SMOC2: variants seen among roughly 807,000 people sequenced by gnomAD.
SMOC2 encodes SPARC related modular calcium binding 2, also known as SPARC-related modular calcium-binding protein 2.
In SMOC2, 39 loss-of-function variants were observed where a neutral mutation model predicts 61.4. The observed-to-expected ratio is 0.64, with a 90% confidence interval of 0.49 to 0.83. SMOC2 has a LOEUF of 0.83. Among genes scored for constraint, SMOC2 ranks in the 40% least tolerant of loss-of-function variants. The pLI is 0.00. For synonymous variants in SMOC2, 247 were observed against 239.9 expected (o/e 1.03, Z -0.27); for missense variants, 556 against 592.9 (o/e 0.94, Z 0.65).
At chr6:168,506,896 A>C (rs920852611) in intron 1 of SMOC2, among the ~76,000 whole-genome samples, 1 of 152,226 alleles carries the variant, frequency 6.6e-6, no homozygotes, top group Non-Finnish European at 1.5e-5. Context: ...TTTTTCTTGA[A>C]TGGGCTGTTT....
At chr6:168,615,357 A>C (rs1786047643) in intron 9 of SMOC2, among the ~76,000 whole-genome samples, 1 of 69,356 alleles carries the variant, frequency 1.4e-5, no homozygotes, top group Admixed American at 1.4e-4. Context: ...CTTCACACCT[A>C]CAGCCAGCAC....
intron 2 of SMOC2, among the ~76,000 whole-genome samples, chr6:168,518,578 C>T (rs1050728940): frequency 2.0e-4 from 28 of 140,676 alleles, no homozygotes; most frequent in African/African-American, 7.0e-4. Context: ...TGTGACAATG[C>T]ATGTATGTGT....
chr6:168,477,071 G>T (rs1184887714), intron 1 of SMOC2, among the ~76,000 whole-genome samples: 1 of 152,196 alleles, frequency 6.6e-6, no homozygotes, highest in Non-Finnish European at 1.5e-5. Flanking sequence ...ATTAAGGTTG[G>T]TTAACTTTAA....
Position 168,534,750 on chromosome 6 carries a change from C to T in SMOC2, c.463+7023C>T, listed in dbSNP as rs538832575. On this transcript the variant is annotated intron_variant, in intron 4 of 12. Coordinates refer to ENST00000356284, the MANE Select transcript of SMOC2 (RefSeq NM_001166412.2). Reference sequence around the variant, plus strand: ...ATACTTTAGTGTACATTTAATTTGGCGGCTAATTTGTACTGGAGCCTCACA... The same window carrying T: ...ATACTTTAGTGTACATTTAATTTGGTGGCTAATTTGTACTGGAGCCTCACA... Among the ~76,000 whole-genome samples, 42 of 152,192 alleles carry T rather than the reference C, an allele frequency of 2.8e-4. No homozygotes were observed. The South Asian group carries it at 6.4e-3, about 23-fold the overall frequency.
intron 7 of SMOC2, among the ~76,000 whole-genome samples, chr6:168,576,571 G>T (rs951322292): frequency 6.6e-6 from 1 of 152,052 alleles, no homozygotes; most frequent in Admixed American, 6.5e-5. Flanking sequence ...GAGAATGGCT[G>T]GTCTAACAGC....
At chr6:168,633,070 A>G (rs1404545052) in intron 9 of SMOC2, among the ~76,000 whole-genome samples, 1 of 152,110 alleles carries the variant, frequency 6.6e-6, no homozygotes, top group Non-Finnish European at 1.5e-5. Flanking sequence ...AACCAGGTAA[A>G]CCCAATCTGC....
intron 1 of SMOC2, among the ~76,000 whole-genome samples, chr6:168,502,605 C>A (rs1393598776): frequency 6.6e-6 from 1 of 152,166 alleles, no homozygotes; most frequent in Non-Finnish European, 1.5e-5. Context: ...GCCGATGGGA[C>A]CTACATTATC....
At chr6:168,643,535 T>C (rs1786945489) in intron 9 of SMOC2, among the ~76,000 whole-genome samples, 1 of 152,134 alleles carries the variant, frequency 6.6e-6, no homozygotes, top group African/African-American at 2.4e-5. Context: ...TCCACACCAC[T>C]GCACCTCTGC....
chr6:168,454,614 T>G (rs1781541204), intron 1 of SMOC2, among the ~76,000 whole-genome samples: 1 of 152,082 alleles, frequency 6.6e-6, no homozygotes, highest in South Asian at 2.1e-4. Context: ...CTTCAGCCGG[T>G]GCTTGATCAG....
intron 7 of SMOC2, among the ~76,000 whole-genome samples, chr6:168,563,563 C>T (rs1257867470): frequency 2.0e-5 from 3 of 152,130 alleles, no homozygotes; most frequent in Admixed American, 6.5e-5. Flanking sequence ...GAAATCCTCA[C>T]CCCCAGGGTG....
intron 11 of SMOC2, among the ~76,000 whole-genome samples, chr6:168,658,313 G>T (rs749024393): frequency 1.3e-5 from 2 of 152,200 alleles, no homozygotes; most frequent in Non-Finnish European, 2.9e-5. Context: ...CCTCTGTTAC[G>T]GAAACCAGTC....
chr6:168,461,775 A>G (rs1404520636), intron 1 of SMOC2, among the ~76,000 whole-genome samples: 1 of 152,182 alleles, frequency 6.6e-6, no homozygotes, highest in East Asian at 1.9e-4. Context: ...CGTGCTAGAA[A>G]CACCACTCTA....
intron 2 of SMOC2, among the ~76,000 whole-genome samples, chr6:168,510,621 T>C (rs2749257): frequency 0.9 from 137,179 of 152,260 alleles, 62,554 homozygotes; most frequent in East Asian, 1. Context: ...ATTTACCTTG[T>C]TTGTCATAGT....
intron 1 of SMOC2, among the ~76,000 whole-genome samples, chr6:168,508,648 C>G (rs1347776092): frequency 6.6e-6 from 1 of 152,222 alleles, no homozygotes; most frequent in Non-Finnish European, 1.5e-5. Flanking sequence ...GGTAAAGGAG[C>G]ATGTTGATGA....
intron 1 of SMOC2, among the ~76,000 whole-genome samples, chr6:168,481,366 A>G (rs938720642): frequency 6.6e-6 from 1 of 152,112 alleles, no homozygotes; most frequent in Non-Finnish European, 1.5e-5. Context: ...TAAAACAACA[A>G]TCGAAAGGTA....
At chr6:168,574,273 G>T (rs907794444) in intron 7 of SMOC2, among the ~76,000 whole-genome samples, 2 of 152,202 alleles carry the variant, frequency 1.3e-5, no homozygotes, top group Non-Finnish European at 2.9e-5. Context: ...CGGGTAGGTC[G>T]AAGGCTGCTC....
chr6:168,550,741 A>T (rs1039024104), intron 7 of SMOC2, among the ~76,000 whole-genome samples: 1 of 152,206 alleles, frequency 6.6e-6, no homozygotes, highest in South Asian at 2.1e-4. Context: ...ATACCTATTT[A>T]TAACATTTTT....
intron 7 of SMOC2, among the ~76,000 whole-genome samples, chr6:168,550,617 G>A (rs1017188426): frequency 6.3e-4 from 96 of 152,222 alleles, no homozygotes; most frequent in African/African-American, 2.2e-3. Flanking sequence ...CTCCAGCCCC[G>A]GAGTCTTAGC....
intron 1 of SMOC2, among the ~76,000 whole-genome samples, chr6:168,451,624 T>TCTCTCTCTCC (rs1189607746): frequency 1.0e-4 from 14 of 138,416 alleles, no homozygotes; most frequent in African/African-American, 1.8e-4. Context: ...TCTCTCTCTC[T>TCTCTCTCTCC]CTCTCCCTCC....
Sources: allele counts gnomAD v4.1 joint callset (sites outside exome capture counted in the v4.1 genomes callset), GRCh38; gene constraint gnomAD v4.1.1; transcripts MANE v1.5; gene names NCBI Gene and HGNC (gene_info 2026-07-23, HGNC 2026-07-21).